KAZN: variants seen among roughly 807,000 people sequenced by gnomAD.
The protein encoded by KAZN is kazrin.
In KAZN, 40 loss-of-function variants were observed where a neutral mutation model predicts 87.4. The ratio of observed to expected loss-of-function variants is 0.46; its 90% CI spans 0.36 to 0.60. The LOEUF (loss-of-function observed/expected upper bound fraction) is 0.60. KAZN is among the 20% of genes least tolerant of loss of function. The pLI is 0.00. For missense variants in KAZN, 898 were observed against 1,073.9 expected (o/e 0.84, Z 2.29); for synonymous variants, 466 against 458.3 (o/e 1.02, Z -0.22).
chr1:14,507,586 T>C (rs1019151787), intron 2 of KAZN, among the ~76,000 whole-genome samples: 1 of 152,132 alleles, frequency 6.6e-6, no homozygotes, highest in Non-Finnish European at 1.5e-5. Context: ...ACAGAGTGCA[T>C]ATAAGATTTT....
intron 2 of KAZN, among the ~76,000 whole-genome samples, chr1:14,218,925 A>C (rs1348529838): frequency 6.6e-6 from 1 of 152,162 alleles, no homozygotes; most frequent in Non-Finnish European, 1.5e-5. Flanking sequence ...TATCATAAGT[A>C]AAGACACAAC....
chr1:14,122,814 T>C (rs1644780488), intron 1 of KAZN, among the ~76,000 whole-genome samples: 2 of 152,230 alleles, frequency 1.3e-5, no homozygotes, highest in Admixed American at 1.3e-4. Context: ...AAGATCTAAC[T>C]TTTTTGTCCT....
At chr1:14,638,438 T>A (rs1680161670) in intron 1 of KAZN, among the ~76,000 whole-genome samples, 1 of 151,804 alleles carries the variant, frequency 6.6e-6, no homozygotes, top group African/African-American at 2.4e-5. Context: ...GTGTGATGGC[T>A]CATGCCTGTA....
At chr1:14,059,416 G>A (rs944586676) in intron 1 of KAZN, among the ~76,000 whole-genome samples, 13 of 152,200 alleles carry the variant, frequency 8.5e-5, no homozygotes, top group African/African-American at 3.1e-4. Context: ...AACAAGAGGA[G>A]AAGAAAGAAA....
At chr1:15,010,088 T>C (rs550580992) in intron 2 of KAZN, among the ~76,000 whole-genome samples, 2 of 152,364 alleles carry the variant, frequency 1.3e-5, no homozygotes, top group South Asian at 2.1e-4. Context: ...AATATCTTTT[T>C]AAGTCTTTTT....
chr1:14,425,374 C>G (rs1180733256), intron 2 of KAZN, among the ~76,000 whole-genome samples: 1 of 152,158 alleles, frequency 6.6e-6, no homozygotes, highest in African/African-American at 2.4e-5. Context: ...ACCCCAGAAG[C>G]CAGCTTACCA....
intron 2 of KAZN, among the ~76,000 whole-genome samples, chr1:14,418,938 C>T (rs1403134656): frequency 2.6e-5 from 4 of 152,204 alleles, no homozygotes; most frequent in African/African-American, 7.2e-5. Context: ...GGGACCACCT[C>T]GGCACCCAGA....
At chr1:14,425,733 C>T (rs1387347776) in intron 2 of KAZN, among the ~76,000 whole-genome samples, 1 of 152,218 alleles carries the variant, frequency 6.6e-6, no homozygotes, top group African/African-American at 2.4e-5. Flanking sequence ...CATTATCCCA[C>T]TTGGTCCTCC....
chr1:14,911,919 A>G (rs964483335), intron 1 of KAZN, among the ~76,000 whole-genome samples: 1 of 152,176 alleles, frequency 6.6e-6, no homozygotes, highest in African/African-American at 2.4e-5. Flanking sequence ...TGGGAGGCCG[A>G]GGCAGGTAGA....
chr1:13,948,919 A>G (rs1342055430), intron 1 of KAZN, among the ~76,000 whole-genome samples: 6 of 152,110 alleles, frequency 3.9e-5, no homozygotes, highest in Non-Finnish European at 8.8e-5. Context: ...GGCTAAGGTC[A>G]CTCGGGTAGC....
chr1:14,077,825 G>A lies in KAZN; in HGVS notation c.92-102610G>A, dbSNP rs566032017. On this transcript the variant is annotated intron_variant, in intron 1 of 16. Transcript: ENST00000636203. Reference sequence around the variant, plus strand: ...CACGGAGAGAAGACACACCAAGACCGACACAGAGGGAGAAAGCAATGTGAA... The same window carrying A: ...CACGGAGAGAAGACACACCAAGACCAACACAGAGGGAGAAAGCAATGTGAA... 1.9e-4 allele frequency among the ~76,000 whole-genome samples: 29 copies of A among 152,068 alleles called. No homozygotes were observed. The South Asian group carries it at 4.6e-3, about 24-fold the overall frequency.
intron 2 of KAZN, among the ~76,000 whole-genome samples, chr1:14,395,319 A>G (rs963489143): frequency 5.3e-5 from 8 of 152,220 alleles, no homozygotes; most frequent in Non-Finnish European, 8.8e-5. Flanking sequence ...TGTACTACCT[A>G]TAACATTCTG....
At chr1:14,039,201 G>T (rs1161248926) in intron 1 of KAZN, among the ~76,000 whole-genome samples, 1 of 150,308 alleles carries the variant, frequency 6.7e-6, no homozygotes, top group African/African-American at 2.4e-5. Flanking sequence ...AGGAATTAAA[G>T]TAATAGCTAT....
rs1254070951 is a variant in KAZN at position 15,114,753 on chromosome 1, C to T, written c.*118C>T. The T allele has an allele frequency of 3.8e-6, 4 of 1,052,626 alleles. No homozygotes were observed. Among genetic ancestry groups the T allele is most frequent in the Non-Finnish European group, 5.4e-6 (4 of 740,636 alleles). 65.2% of individuals were successfully genotyped at this position (1,052,626 alleles called of 1,614,324 possible). On this transcript the variant is annotated 3_prime_UTR_variant, in exon 15 of 15. Coordinates refer to ENST00000376030, the MANE Select transcript of KAZN (RefSeq NM_201628.3). ...CCGCAGGCTGAGGATGTCCCTTGCTCCTGGGCAAAATCCCGATGGACTCTG... is the reference window on the plus strand; with the variant it reads ...CCGCAGGCTGAGGATGTCCCTTGCTTCTGGGCAAAATCCCGATGGACTCTG...
In KAZN at chr1:15,094,494, C is replaced by A; in HGVS notation, c.1428+109C>A. The A allele has an allele frequency of 2.9e-6, 3 of 1,030,628 alleles. No homozygotes were observed. The highest frequency in any genetic ancestry group is 4.3e-6 in the Non-Finnish European group (3 of 700,772). 63.8% of individuals were successfully genotyped at this position (1,030,628 alleles called of 1,614,324 possible). A position where few individuals can be genotyped will look rare whatever the true frequency, so the allele number is the denominator to read the frequency against. The stretch of plus-strand genomic sequence containing the variant: ...CCTACCCTGGAGTCAGGAGAAGGTG[C>A]AATCTAGGAGCTAGCCAATGCAATC... On this transcript the variant is annotated intron_variant, in intron 9 of 14. Coordinates refer to ENST00000376030, the MANE Select transcript of KAZN (RefSeq NM_201628.3). This position sits in a 1 kb window ranked among gnomAD's most constrained non-coding sequence, Gnocchi z 4.5.
intron 4 of KAZN, among the ~76,000 whole-genome samples, chr1:15,052,143 G>C (rs537794790): frequency 6.6e-6 from 1 of 151,916 alleles, no homozygotes. Flanking sequence ...GTGTGTGTAC[G>C]TGTGTGTATG....
At chr1:14,288,120 G>A (rs1054742061) in intron 2 of KAZN, among the ~76,000 whole-genome samples, 5 of 152,174 alleles carry the variant, frequency 3.3e-5, no homozygotes, top group African/African-American at 4.8e-5. Context: ...TGTTCATCAG[G>A]GATATTGGTG....
At chr1:14,145,826 T>C (rs59963030) in intron 1 of KAZN, among the ~76,000 whole-genome samples, 21,963 of 152,202 alleles carry the variant, frequency 0.14, 1,941 homozygotes, top group African/African-American at 0.25. Context: ...GATGATCCAC[T>C]TGCCTTGGCG....
At chr1:13,928,045 C>T (rs6670657) in intron 1 of KAZN, among the ~76,000 whole-genome samples, 119,918 of 152,126 alleles carry the variant, frequency 0.79, 47,346 homozygotes, top group South Asian at 0.93. Context: ...AATTTCAGAG[C>T]TGAAACTGTT....
Sources: gnomAD v4.1 joint callset for allele counts (sites outside exome capture counted in the v4.1 genomes callset) on GRCh38, gnomAD v4.1.1 for gene constraint, Gnocchi (gnomAD v3.1) non-coding constraint, MANE v1.5 for transcripts, NCBI Gene and HGNC (gene_info 2026-07-23, HGNC 2026-07-21) for gene names.